XKR4: variants seen among roughly 807,000 people sequenced by gnomAD.
XKR4 encodes XK-related protein 4.
Under a neutral mutation model 53.9 loss-of-function variants are expected in XKR4, and 12 were observed. The observed-to-expected ratio is 0.22, with a 90% CI of 0.14 to 0.36. XKR4 has a LOEUF of 0.36. Ranked by LOEUF, XKR4 falls within the 10% of genes least tolerant of loss-of-function variation. XKR4 has a pLI of 1.00. For missense variants in XKR4, 799 were observed against 859.5 expected (o/e 0.93, Z 0.88); for synonymous variants, 354 against 362.4 (o/e 0.98, Z 0.26).
intron 2 of XKR4, among the ~76,000 whole-genome samples, chr8:55,375,626 C>G (rs1291070081): frequency 6.6e-6 from 1 of 152,142 alleles, no homozygotes; most frequent in African/African-American, 2.4e-5. Context: ...GCTCTGTCCA[C>G]TCACCTATAT....
At chr8:55,322,356 A>G (rs1442694229) in intron 1 of XKR4, among the ~76,000 whole-genome samples, 1 of 152,162 alleles carries the variant, frequency 6.6e-6, no homozygotes, top group Non-Finnish European at 1.5e-5. Flanking sequence ...ATGTGTCATC[A>G]TTATGATTTA....
At chr8:55,243,102 A>G (rs1818234522) in intron 1 of XKR4, among the ~76,000 whole-genome samples, 1 of 152,152 alleles carries the variant, frequency 6.6e-6, no homozygotes, top group African/African-American at 2.4e-5. Context: ...TATACCATCT[A>G]CCCCTGCACA....
Position 55,541,998 on chromosome 8 carries a change from G to T in XKR4, c.*17771G>T, listed in dbSNP as rs1425213308. 1 of 151,386 alleles carries T rather than the reference G, an allele frequency of 6.6e-6. No individual in the cohort carries two copies. The highest frequency in any genetic ancestry group is 1.5e-5 in the Non-Finnish European group (1 of 67,934). 9.4% of individuals were successfully genotyped at this position (151,386 alleles called of 1,614,324 possible). ...TACTTCATAATGAACAAATTTCCTT[G>T]GTTACATGGTTTTTCTTGTAAAACT... On this transcript the variant is annotated 3_prime_UTR_variant, in exon 3 of 3. Coordinates refer to ENST00000327381, the MANE Select transcript of XKR4 (RefSeq NM_052898.2).
At chr8:55,208,755 A>G (rs187429390) in intron 1 of XKR4, among the ~76,000 whole-genome samples, 291 of 152,208 alleles carry the variant, frequency 1.9e-3, no homozygotes, top group African/African-American at 5.9e-3. Flanking sequence ...ATGAGCCACC[A>G]CACCCAGCCT....
At chr8:55,520,762 T>A (rs556213060) in intron 2 of XKR4, among the ~76,000 whole-genome samples, 1 of 152,332 alleles carries the variant, frequency 6.6e-6, no homozygotes, top group South Asian at 2.1e-4. Context: ...TACAGTATCA[T>A]CTTAACAAGT....
chr8:55,326,986 C>T (rs1379968722), intron 1 of XKR4, among the ~76,000 whole-genome samples: 2 of 151,970 alleles, frequency 1.3e-5, no homozygotes, highest in African/African-American at 4.8e-5. Context: ...CTTCTTTATG[C>T]TTGAAGTCAT....
chr8:55,369,312 G>A (rs972882850), intron 2 of XKR4, among the ~76,000 whole-genome samples: 1 of 145,920 alleles, frequency 6.9e-6, no homozygotes, highest in Non-Finnish European at 1.5e-5. Context: ...GCATGCCACT[G>A]CACTCCAGCC....
At chr8:55,129,131 G>A (rs1816518669) in intron 1 of XKR4, among the ~76,000 whole-genome samples, 1 of 152,168 alleles carries the variant, frequency 6.6e-6, no homozygotes, top group African/African-American at 2.4e-5. Context: ...TTTTGAGACA[G>A]CACGAACATC....
intron 1 of XKR4, among the ~76,000 whole-genome samples, chr8:55,302,170 G>A (rs1310721525): frequency 6.6e-6 from 1 of 152,078 alleles, no homozygotes; most frequent in Non-Finnish European, 1.5e-5. Flanking sequence ...ATTAATTTTT[G>A]TATAAGGTGT....
chr8:55,520,207 T>A (rs1806779178), intron 2 of XKR4, among the ~76,000 whole-genome samples: 1 of 152,250 alleles, frequency 6.6e-6, no homozygotes, highest in Non-Finnish European at 1.5e-5. Context: ...GTAAGGGTCT[T>A]AACTTGTATA....
chr8:55,268,742 G>T (rs562099129), intron 1 of XKR4, among the ~76,000 whole-genome samples: 61 of 152,162 alleles, frequency 4.0e-4, no homozygotes, highest in African/African-American at 1.5e-3. Flanking sequence ...CTTAATCCCC[G>T]CAAGATCCCT....
chr8:55,426,206 G>T (rs1805010834), intron 2 of XKR4, among the ~76,000 whole-genome samples: 1 of 152,230 alleles, frequency 6.6e-6, no homozygotes, highest in Non-Finnish European at 1.5e-5. Context: ...TTCAAACTTA[G>T]ATATGGACAA....
Position 55,450,867 on chromosome 8 carries a change from G to A in XKR4, c.1007-72414G>A, listed in dbSNP as rs184511601. On this transcript the variant is annotated intron_variant, in intron 2 of 2. Coordinates refer to ENST00000327381, the MANE Select transcript of XKR4 (RefSeq NM_052898.2). The stretch of plus-strand genomic sequence containing the variant: ...TCAGCACGGAGGAACTTGAGTCCAG[G>A]AGCTCCCCCCTCCCAGCACCGACAC... 308 of 474,098 alleles carry A rather than the reference G, an allele frequency of 6.5e-4. 3 individuals carry two copies. The highest frequency in any genetic ancestry group is 5.3e-3 in the African/African-American group (266 of 49,820). 29.4% of individuals were successfully genotyped at this position (474,098 alleles called of 1,614,324 possible).
chr8:55,338,174 C>T (rs569598084), intron 1 of XKR4, among the ~76,000 whole-genome samples: 2 of 152,334 alleles, frequency 1.3e-5, no homozygotes, highest in Admixed American at 1.3e-4. Flanking sequence ...TTTTAAAATG[C>T]TAATTGCTTT....
chr8:55,186,479 C>T (rs549615320), intron 1 of XKR4, among the ~76,000 whole-genome samples: 1 of 152,024 alleles, frequency 6.6e-6, no homozygotes, highest in Non-Finnish European at 1.5e-5. Context: ...CATGGTGAAA[C>T]CCCGTCTCTA....
chr8:55,145,495 C>G (rs1201978398), intron 1 of XKR4, among the ~76,000 whole-genome samples: 2 of 152,070 alleles, frequency 1.3e-5, no homozygotes, highest in Admixed American at 6.5e-5. Flanking sequence ...TAGTGCTCCT[C>G]CTCCCAGAAA....
At chr8:55,124,215 T>C (rs1300589427) in intron 1 of XKR4, among the ~76,000 whole-genome samples, 2 of 152,220 alleles carry the variant, frequency 1.3e-5, no homozygotes, top group African/African-American at 4.8e-5. Context: ...TCACTCTCCA[T>C]GTGGTTCCTT....
chr8:55,373,775 C>G (rs549401898), intron 2 of XKR4, among the ~76,000 whole-genome samples: 1 of 151,706 alleles, frequency 6.6e-6, no homozygotes, highest in South Asian at 2.1e-4. Context: ...GAAATCAACA[C>G]AGAAAAGCTG....
intron 2 of XKR4, among the ~76,000 whole-genome samples, chr8:55,445,873 C>T (rs79201276): frequency 6.6e-6 from 1 of 152,172 alleles, no homozygotes; most frequent in African/African-American, 2.4e-5. Context: ...CAGTACGAAG[C>T]CTTGCTAAAT....
Sources: gnomAD v4.1 joint callset for allele counts (sites outside exome capture counted in the v4.1 genomes callset) on GRCh38, gnomAD v4.1.1 for gene constraint, MANE v1.5 for transcripts, NCBI Gene and HGNC (gene_info 2026-07-23, HGNC 2026-07-21) for gene names.